The following PDE11A variants were observed in gnomAD, a reference collection of about 807,000 sequenced individuals.
PDE11A encodes phosphodiesterase 11A.
PDE11A carries 100 observed loss-of-function variants against 100.5 expected under a neutral mutation model. The ratio of observed to expected loss-of-function variants is 1.00; its 90% CI spans 0.85 to 1.18. The LOEUF is 1.18. PDE11A is among the 50% of genes most tolerant of loss of function. The probability of loss-of-function intolerance (pLI) is 0.00; values close to 1 mark genes in which losing one functional copy is unlikely to be tolerated. For missense variants in PDE11A, 1,141 were observed against 1,152.6 expected (o/e 0.99, Z 0.15); for synonymous variants, 381 against 420.8 (o/e 0.91, Z 1.16).
At chr2:177,691,930 A>G in intron 15 of PDE11A, among the ~76,000 whole-genome samples, 1 of 152,244 alleles carries the variant, frequency 6.6e-6, no homozygotes, top group South Asian at 2.1e-4. Context: ...TTGGTAAACA[A>G]TGTAGAAAAT....
chr2:177,923,057 C>A (rs1456709747), intron 2 of PDE11A, among the ~76,000 whole-genome samples: 1 of 152,144 alleles, frequency 6.6e-6, no homozygotes, highest in East Asian at 1.9e-4. Flanking sequence ...CTCATTCCAC[C>A]AAAGAAATGG....
At chr2:177,689,942 C>T (rs1003996931) in intron 15 of PDE11A, among the ~76,000 whole-genome samples, 2 of 152,150 alleles carry the variant, frequency 1.3e-5, no homozygotes, top group Non-Finnish European at 2.9e-5. Context: ...TCCACACAGC[C>T]CTTCGCTGCT....
chr2:177,816,884 G>T lies in PDE11A; in HGVS notation c.1682C>A (p.Thr561Lys). 6.2e-7 allele frequency: 1 copy of T among 1,611,146 alleles called. No homozygotes were observed. The highest frequency in any genetic ancestry group is 8.5e-7 in the Non-Finnish European group (1 of 1,177,424). ...CTTCTTCACTTGATCATACATAATT[G>T]TGTTGTTGATGCCAAGTCCACAAAA... The part of the protein sequence containing the change: ...VIFCGLGINN[T>K]IMYDQVKKSW... Residue 561 changes from threonine to lysine, a missense_variant, in exon 9 of 20, where the codon ACA becomes AAA. Transcript: ENST00000286063.
intron 5 of PDE11A, among the ~76,000 whole-genome samples, chr2:177,853,678 ATATGTGTGTGTG>A (rs1462858332): frequency 3.0e-5 from 1 of 33,862 alleles, no homozygotes; most frequent in East Asian, 1.0e-3. Context: ...ATATATATAT[ATATGTGTGTGTG>A]TGTGTGTGTG....
intron 13 of PDE11A, among the ~76,000 whole-genome samples, chr2:177,709,540 A>G (rs1236861712): frequency 6.6e-6 from 1 of 152,190 alleles, no homozygotes; most frequent in African/African-American, 2.4e-5. Flanking sequence ...AAGCAATGGA[A>G]TAAGTGCCTG....
intron 1 of PDE11A, among the ~76,000 whole-genome samples, chr2:178,043,177 A>T (rs1013501095): frequency 1.1e-4 from 16 of 152,104 alleles, no homozygotes; most frequent in African/African-American, 3.9e-4. Flanking sequence ...GAACTTAAGG[A>T]ACTGTACATT....
At chr2:177,819,969 TG>T (rs1437620588) in intron 7 of PDE11A, among the ~76,000 whole-genome samples, 2 of 151,588 alleles carry the variant, frequency 1.3e-5, no homozygotes, top group African/African-American at 4.8e-5. Flanking sequence ...AGAGTTCTAT[TG>T]GTTGATAACT....
At chr2:177,660,696 ATAAG>A (rs2080474230) in intron 19 of PDE11A, among the ~76,000 whole-genome samples, 1 of 152,252 alleles carries the variant, frequency 6.6e-6, no homozygotes, top group Non-Finnish European at 1.5e-5. Context: ...AGGCACATAA[ATAAG>A]TAGCCCTTCA....
chr2:177,940,494 A>T (rs1354582148), intron 2 of PDE11A, among the ~76,000 whole-genome samples: 1 of 152,250 alleles, frequency 6.6e-6, no homozygotes, highest in Non-Finnish European at 1.5e-5. Context: ...GTAGGATTTC[A>T]GCAGCTTCTT....
chr2:177,686,011 C>A (rs1462087915), intron 15 of PDE11A, among the ~76,000 whole-genome samples: 2 of 152,198 alleles, frequency 1.3e-5, no homozygotes, highest in African/African-American at 4.8e-5. Flanking sequence ...CAGTCATAGA[C>A]TTCACATCAC....
chr2:178,011,453 G>A, intron 2 of PDE11A, among the ~76,000 whole-genome samples: 1 of 152,104 alleles, frequency 6.6e-6, no homozygotes, highest in East Asian at 1.9e-4. Flanking sequence ...TTTTATAAAA[G>A]GTTGTAACTC....
intron 1 of PDE11A, among the ~76,000 whole-genome samples, chr2:178,054,408 T>C (rs547587159): frequency 2.0e-5 from 3 of 152,284 alleles, no homozygotes; most frequent in Admixed American, 2.0e-4. Flanking sequence ...GAAGAAAACC[T>C]AGGCAATACC....
intron 2 of PDE11A, among the ~76,000 whole-genome samples, chr2:177,983,422 T>C (rs567219027): frequency 3.3e-5 from 5 of 152,282 alleles, no homozygotes; most frequent in African/African-American, 1.2e-4. Context: ...GATGCACCTT[T>C]TAATCAACAT....
At chr2:177,837,256 G>A (rs903614704) in intron 6 of PDE11A, among the ~76,000 whole-genome samples, 3 of 152,148 alleles carry the variant, frequency 2.0e-5, no homozygotes, top group Admixed American at 6.5e-5. Context: ...CAGAAAGAGA[G>A]GTACTTTAGG....
At chr2:177,881,620 A>G (rs982710210) in intron 4 of PDE11A, among the ~76,000 whole-genome samples, 1 of 152,254 alleles carries the variant, frequency 6.6e-6, no homozygotes, top group African/African-American at 2.4e-5. Context: ...CTGGAGATGT[A>G]AATTCATCTG....
intron 2 of PDE11A, among the ~76,000 whole-genome samples, chr2:178,080,328 T>C (rs1205001971): frequency 2.0e-5 from 3 of 152,184 alleles, no homozygotes; most frequent in Non-Finnish European, 2.9e-5. Context: ...TTGTATAAGA[T>C]GTAAGGAAGG....
At chr2:177,833,113 T>C (rs997075333) in intron 6 of PDE11A, among the ~76,000 whole-genome samples, 1 of 152,088 alleles carries the variant, frequency 6.6e-6, no homozygotes, top group East Asian at 1.9e-4. Context: ...GAGGCAAGAA[T>C]TGAGGTTGCT....
chr2:178,051,089 C>T (rs1161757906), intron 1 of PDE11A, among the ~76,000 whole-genome samples: 4 of 151,984 alleles, frequency 2.6e-5, no homozygotes, highest in South Asian at 2.1e-4. Flanking sequence ...AGAAAAAATG[C>T]TAAGGGCAGC....
intron 2 of PDE11A, among the ~76,000 whole-genome samples, chr2:177,925,342 A>T (rs978488741): frequency 4.0e-5 from 6 of 151,774 alleles, no homozygotes; most frequent in Non-Finnish European, 8.8e-5. Context: ...TTACAGTCCC[A>T]CCAACAGTGT....
Sources: gnomAD v4.1 joint callset for allele counts (sites outside exome capture counted in the v4.1 genomes callset) on GRCh38, gnomAD v4.1.1 for gene constraint, MANE v1.5 for transcripts, NCBI Gene and HGNC (gene_info 2026-07-23, HGNC 2026-07-21) for gene names.